The following SGIP1 variants were observed in gnomAD, a reference collection of about 807,000 sequenced individuals.
SGIP1 encodes the protein SH3GL interacting endocytic adaptor 1.
SGIP1 carries 38 observed loss-of-function variants against 107.5 expected under a neutral mutation model. The observed-to-expected ratio is 0.35, with a 90% CI of 0.27 to 0.46. The LOEUF is 0.46. Among genes scored for constraint, SGIP1 ranks in the 20% least tolerant of loss-of-function variants. The pLI, the probability that SGIP1 is intolerant of heterozygous loss-of-function variation, is 1.00. For synonymous variants in SGIP1, 365 were observed against 366.1 expected, an observed-to-expected ratio of 1.00 and a Z score of 0.03; for missense variants, 929 against 1,019.5, an observed-to-expected ratio of 0.91 and a Z score of 1.21.
At chr1:66,694,774 G>A (rs745829331) in intron 17 of SGIP1, 30 of 359,196 alleles carry the variant, frequency 8.4e-5, no homozygotes, top group Non-Finnish European at 1.2e-4. Flanking sequence ...AATTTACAAA[G>A]GAAAGAATAA....
chr1:66,579,372 T>C (rs1389727469), intron 1 of SGIP1, among the ~76,000 whole-genome samples: 1 of 152,158 alleles, frequency 6.6e-6, no homozygotes. Flanking sequence ...ATGCCTATTA[T>C]CAGAAGTCTT....
chr1:66,717,833 T>A (rs190100282), intron 18 of SGIP1, among the ~76,000 whole-genome samples: 105 of 152,232 alleles, frequency 6.9e-4, no homozygotes, highest in African/African-American at 2.4e-3. Context: ...AAACACTTAG[T>A]AAGTGTGCAA....
intron 1 of SGIP1, among the ~76,000 whole-genome samples, chr1:66,572,974 T>A (rs941778593): frequency 6.6e-6 from 1 of 152,102 alleles, no homozygotes; most frequent in African/African-American, 2.4e-5. Flanking sequence ...TATATTGCAT[T>A]ATTCCACTTA....
intron 17 of SGIP1, among the ~76,000 whole-genome samples, chr1:66,692,300 A>T (rs2090031501): frequency 6.6e-6 from 1 of 152,060 alleles, no homozygotes; most frequent in African/African-American, 2.4e-5. Context: ...TTCCTTCAAG[A>T]TGAACCAGAG....
chr1:66,595,917 G>T (rs368269342), intron 1 of SGIP1, among the ~76,000 whole-genome samples: 1 of 152,210 alleles, frequency 6.6e-6, no homozygotes, highest in African/African-American at 2.4e-5. Context: ...GTGGTTTGAG[G>T]AGGGGGAGGA....
intron 7 of SGIP1, among the ~76,000 whole-genome samples, chr1:66,648,427 C>T (rs1312642719): frequency 1.3e-5 from 2 of 152,038 alleles, no homozygotes; most frequent in Non-Finnish European, 2.9e-5. Flanking sequence ...TGAATGGAAC[C>T]AGGCTAAGGA....
At chr1:66,552,768 C>T (rs1461023807) in intron 1 of SGIP1, among the ~76,000 whole-genome samples, 1 of 152,040 alleles carries the variant, frequency 6.6e-6, no homozygotes, top group Admixed American at 6.6e-5. Context: ...AATAATTGCT[C>T]GCCTAATTAA....
intron 1 of SGIP1, among the ~76,000 whole-genome samples, chr1:66,559,711 C>A (rs778102858): frequency 4.6e-5 from 7 of 152,048 alleles, no homozygotes; most frequent in Non-Finnish European, 8.8e-5. Flanking sequence ...GGAGCTGTCT[C>A]TGGTGTCTCT....
chr1:66,673,142 C>A, intron 11 of SGIP1, 139 bp from the exon 12 acceptor site: 1 of 788,052 alleles, frequency 1.3e-6, no homozygotes, highest in Non-Finnish European at 2.1e-6. Flanking sequence ...CCTAACGGGG[C>A]TTGTATACAC....
At position 66,643,619 on chromosome 1, in the gene SGIP1, A is replaced by G. The variant is rs1363666183; in HGVS notation, c.359A>G (p.Lys120Arg). 22 of 1,610,802 alleles carry G rather than the reference A, an allele frequency of 1.4e-5. No individual in the cohort carries two copies. Among genetic ancestry groups the G allele is most frequent in the Non-Finnish European group, 1.9e-5 (22 of 1,178,994 alleles). Reference sequence around the variant, plus strand: ...GAATCACATAAGAAATTTAATATCAAGATTAAACCATTGCAATCTAAAGAC... The same window carrying G: ...GAATCACATAAGAAATTTAATATCAGGATTAAACCATTGCAATCTAAAGAC... ...EEESHKKFNIKIKPLQSKDIL... is the reference protein window; with the variant it reads ...EEESHKKFNIRIKPLQSKDIL... Residue 120 changes from lysine to arginine, a missense_variant, in exon 7 of 25, where the codon AAG becomes AGG. Transcript: ENST00000371037.
chr1:66,662,856 C>G (rs1022218182), intron 8 of SGIP1, among the ~76,000 whole-genome samples: 9 of 152,102 alleles, frequency 5.9e-5, no homozygotes, highest in African/African-American at 1.7e-4. Context: ...AACAAGTAGA[C>G]CACTTGCAAA....
chr1:66,636,421 A>G (rs1379130196), intron 4 of SGIP1, among the ~76,000 whole-genome samples: 7 of 152,236 alleles, frequency 4.6e-5, no homozygotes, highest in Admixed American at 4.6e-4. Flanking sequence ...CTTGATCTGT[A>G]GGAGCCAGTG....
intron 1 of SGIP1, among the ~76,000 whole-genome samples, chr1:66,606,772 T>C (rs995034137): frequency 1.3e-5 from 2 of 152,204 alleles, no homozygotes; most frequent in African/African-American, 4.8e-5. Flanking sequence ...AAAAACTATA[T>C]ATATTGAGTT....
rs1440215603 is a variant in SGIP1, at chr1:66,746,148, C to A, written c.*3053C>A. 6.6e-6 allele frequency: 1 copy of A among 152,146 alleles called. No individual in the cohort carries two copies. The highest frequency in any genetic ancestry group is 1.9e-4 in the East Asian group (1 of 5,200). The allele number at this position is 152,146 out of a possible 1,614,324, so 9.4% of individuals were successfully genotyped here. A position where few individuals can be genotyped will look rare whatever the true frequency, so the allele number is the denominator to read the frequency against. On this transcript the variant is annotated 3_prime_UTR_variant, in exon 25 of 25. Coordinates refer to ENST00000371037, the MANE Select transcript of SGIP1 (RefSeq NM_032291.4). ...ATTACAAGTATTTCCACTTCTAAATCTTCTTTTAGAAAAGCAGATAACTAT... is the reference window on the plus strand; with the variant it reads ...ATTACAAGTATTTCCACTTCTAAATATTCTTTTAGAAAAGCAGATAACTAT...
At chr1:66,631,557 C>A (rs1322243324) in intron 2 of SGIP1, among the ~76,000 whole-genome samples, 1 of 152,070 alleles carries the variant, frequency 6.6e-6, no homozygotes, top group African/African-American at 2.4e-5. Flanking sequence ...GTATTATAAT[C>A]CAAGTAGAAT....
chr1:66,656,669 AG>A (rs2079858319), intron 7 of SGIP1, among the ~76,000 whole-genome samples: 1 of 152,182 alleles, frequency 6.6e-6, no homozygotes, highest in Non-Finnish European at 1.5e-5. Flanking sequence ...CCCTGCTCCC[AG>A]ATGTAAACCC....
chr1:66,622,318 GA>G (rs1312934035), intron 1 of SGIP1, among the ~76,000 whole-genome samples: 1 of 152,150 alleles, frequency 6.6e-6, no homozygotes, highest in African/African-American at 2.4e-5. Flanking sequence ...AGATTTAAAG[GA>G]GGCAACATAC....
intron 15 of SGIP1, among the ~76,000 whole-genome samples, chr1:66,682,678 C>T (rs1158326781): frequency 6.6e-6 from 1 of 151,904 alleles, no homozygotes; most frequent in Admixed American, 6.6e-5. Context: ...CAGGAAAGTT[C>T]TAGGAAGACA....
intron 1 of SGIP1, among the ~76,000 whole-genome samples, chr1:66,542,363 T>C (rs2055181133): frequency 6.6e-6 from 1 of 152,188 alleles, no homozygotes; most frequent in Admixed American, 6.5e-5. Flanking sequence ...TGTCTCAAAA[T>C]ATTTTGTTAT....
Sources: allele counts gnomAD v4.1 joint callset (sites outside exome capture counted in the v4.1 genomes callset), GRCh38; gene constraint gnomAD v4.1.1; transcripts MANE v1.5; gene names NCBI Gene and HGNC (gene_info 2026-07-23, HGNC 2026-07-21).